Variants in ADGRD2 observed in about 807,000 individuals in gnomAD.
ADGRD2 encodes G protein-coupled receptor PGR24.
Under a neutral mutation model 44.4 loss-of-function variants are expected in ADGRD2, and 71 were observed. That is an observed-to-expected ratio of 1.60 (90% CI 1.32 to 1.95). The LOEUF is 1.95. Among genes scored for constraint, ADGRD2 ranks in the 30% most tolerant of loss-of-function variants. The pLI, the probability that ADGRD2 is intolerant of heterozygous loss-of-function variation, is 0.00. For synonymous variants in ADGRD2, 481 were observed against 224.8 expected (o/e 2.14, Z -10.19); for missense variants, 1,039 against 512.4 (o/e 2.03, Z -9.92).
intron 21 of ADGRD2, among the ~76,000 whole-genome samples, chr9:124,477,710 C>G (rs1832073891): frequency 1.3e-5 from 2 of 152,172 alleles, no homozygotes; most frequent in Admixed American, 6.5e-5. Context: ...GCATCTCGGT[C>G]CCGGGGAGTC....
At position 124,468,820 on chromosome 9, in the gene ADGRD2, C is replaced by T. The variant is rs576817759; in HGVS notation, c.2387+148C>T. On this transcript the variant is annotated intron_variant, in intron 14 of 21. Coordinates refer to ENST00000334810, the Ensembl canonical transcript of ADGRD2. ...TAGCGTCACCCAGAACCCAGCACCA[C>T]CCAGCCAGTCCCATCTCTGACATGA... 757 of 607,422 alleles carry T rather than the reference C, an allele frequency of 1.2e-3. 2 individuals carry two copies. The highest frequency in any genetic ancestry group is 2.0e-3 in the Non-Finnish European group (699 of 341,900). The allele number at this position is 607,422 out of a possible 1,614,324, so 37.6% of individuals were successfully genotyped here.
chr9:124,467,452 T>C (rs1202431420), intron 11 of ADGRD2: 2 of 413,230 alleles, frequency 4.8e-6, no homozygotes, highest in Non-Finnish European at 8.8e-6. Flanking sequence ...TCCCTCCCCG[T>C]GGGCACGTTT....
At chr9:124,464,111 C>A (rs1283254177) in intron 10 of ADGRD2, among the ~76,000 whole-genome samples, 1 of 151,896 alleles carries the variant, frequency 6.6e-6, no homozygotes, top group Non-Finnish European at 1.5e-5. Flanking sequence ...AAGTGAGCCA[C>A]CACGCCCAGC....
At chr9:124,464,286 G>A (rs549832352) in intron 10 of ADGRD2, among the ~76,000 whole-genome samples, 2 of 152,216 alleles carry the variant, frequency 1.3e-5, no homozygotes, top group South Asian at 2.1e-4. Context: ...AGAGATAACC[G>A]CTATGAACAT....
chr9:124,458,187 C>T (rs1413186533), exon 9 of ADGRD2: 1 of 718,548 alleles, frequency 1.4e-6, no homozygotes, highest in Non-Finnish European at 2.6e-6. Flanking sequence ...GGGACCGGAC[C>T]TAGAGCCCCA....
At chr9:124,467,262 G>A (rs1395602233) in intron 11 of ADGRD2, 3 of 155,126 alleles carry the variant, frequency 1.9e-5, no homozygotes, top group African/African-American at 7.3e-5. Flanking sequence ...GAACCCAGGA[G>A]GCGGAGGTTG....
exon 14 of ADGRD2, chr9:124,468,594 C>A (rs1028425106): frequency 3.9e-5 from 28 of 718,470 alleles, no homozygotes; most frequent in African/African-American, 7.0e-5. Flanking sequence ...GGTGGAGGGG[C>A]TGCTGCTGTG....
At chr9:124,466,363 T>C in exon 11 of ADGRD2, 2 of 717,616 alleles carry the variant, frequency 2.8e-6, no homozygotes, top group Non-Finnish European at 5.2e-6. Flanking sequence ...CGCCTGCTTC[T>C]GCAACCACAG....
At chr9:124,460,788 G>A (rs1335132082) in intron 10 of ADGRD2, among the ~76,000 whole-genome samples, 1 of 152,024 alleles carries the variant, frequency 6.6e-6, no homozygotes, top group Non-Finnish European at 1.5e-5. Context: ...TCTTTTTGTG[G>A]ATAAATGATT....
At chr9:124,451,668 T>C (rs1445806328), upstream of ADGRD2, 8 of 263,520 alleles carry the variant, frequency 3.0e-5, no homozygotes, top group East Asian at 6.7e-4. Context: ...GGATCCAGGA[T>C]GGCACCGTGG....
rs577637367 is a variant in ADGRD2, at chr9:124,454,121, G to A, written c.1022+24G>A. On this transcript the variant is annotated intron_variant, in intron 4 of 21. Transcript: ENST00000334810. The surrounding 1 kb of genome is among the most constrained non-coding windows in gnomAD (Gnocchi z 4.5). ...AGGTGCGCCCTGGCTGTACCCCTGGGCTCTGCTGAAGGGAAAGCCGGTGTG... is the reference window on the plus strand; with the variant it reads ...AGGTGCGCCCTGGCTGTACCCCTGGACTCTGCTGAAGGGAAAGCCGGTGTG... 9 of 664,912 alleles carry A rather than the reference G, an allele frequency of 1.4e-5. No homozygotes were observed. Among genetic ancestry groups the A allele is most frequent in the Non-Finnish European group, 2.2e-5 (8 of 362,460 alleles). 41.2% of individuals were successfully genotyped at this position (664,912 alleles called of 1,614,324 possible). A position where few individuals can be genotyped will look rare whatever the true frequency, so the allele number is the denominator to read the frequency against.
At chr9:124,462,359 ACACC>A (rs992973737) in intron 10 of ADGRD2, among the ~76,000 whole-genome samples, 3 of 152,230 alleles carry the variant, frequency 2.0e-5, no homozygotes, top group Admixed American at 6.5e-5. Context: ...ACGAGCTACC[ACACC>A]CAGCCTTGTT....
rs528499163 is a variant in ADGRD2, at chr9:124,475,888, A to G, written c.2845+273A>G. Among the ~76,000 whole-genome samples the G allele has an allele frequency of 3.3e-5, 5 of 152,306 alleles. No individual in the cohort carries two copies. In the South Asian group the frequency reaches 1.0e-3, roughly 32 times the overall value. On this transcript the variant is annotated intron_variant, in intron 19 of 21. Transcript: ENST00000334810. ...ACTCAGGCAGAGCTGGGAGGACAAA[A>G]GCAGATCCTTTTAGCCCATCTGAAA...
intron 17 of ADGRD2, among the ~76,000 whole-genome samples, chr9:124,471,619 G>A (rs950965121): frequency 2.6e-5 from 4 of 151,970 alleles, no homozygotes; most frequent in Non-Finnish European, 5.9e-5. Context: ...GCAGCAGCGG[G>A]GGCACCACTC....
intron 21 of ADGRD2, among the ~76,000 whole-genome samples, chr9:124,478,014 C>T (rs1487645088): frequency 6.6e-6 from 1 of 152,160 alleles, no homozygotes; most frequent in Non-Finnish European, 1.5e-5. Context: ...GCCCCGACCC[C>T]ACCCCGCGGG....
exon 22 of ADGRD2, chr9:124,478,324 A>G (rs1264891462): frequency 6.6e-6 from 1 of 152,308 alleles, no homozygotes. Flanking sequence ...AACCCTGCCC[A>G]GCTCAGCTCT....
intron 10 of ADGRD2, among the ~76,000 whole-genome samples, chr9:124,461,380 C>T (rs1207262709): frequency 6.6e-6 from 1 of 152,180 alleles, no homozygotes; most frequent in Admixed American, 6.5e-5. Flanking sequence ...CCCAAGGTCA[C>T]AAAGATATTC....
chr9:124,470,474 C>T lies in ADGRD2; in HGVS notation c.2638-20C>T. 1 of 706,170 alleles carries T rather than the reference C, an allele frequency of 1.4e-6. No homozygotes were observed. Among genetic ancestry groups the T allele is most frequent in the Non-Finnish European group, 2.6e-6 (1 of 382,684 alleles). 43.7% of individuals were successfully genotyped at this position (706,170 alleles called of 1,614,324 possible). A position where few individuals can be genotyped will look rare whatever the true frequency, so the allele number is the denominator to read the frequency against. On this transcript the variant is annotated intron_variant, in intron 16 of 21. Transcript: ENST00000334810. ...CCCCAGGCCTCCCAACCCCCGTCAGCCCTGCCTGCCCTCCTACAGGGCCAC... is the reference window on the plus strand; with the variant it reads ...CCCCAGGCCTCCCAACCCCCGTCAGTCCTGCCTGCCCTCCTACAGGGCCAC...
At chr9:124,468,754 A>C (rs957107238) in intron 14 of ADGRD2, 82 bp downstream of exon 17, 21 of 649,736 alleles carry the variant, frequency 3.2e-5, no homozygotes, top group Non-Finnish European at 5.6e-5. Flanking sequence ...ATGGCCCCAC[A>C]CCCAGCACTC....
Sources: gnomAD v4.1 joint callset for allele counts (sites outside exome capture counted in the v4.1 genomes callset) on GRCh38, gnomAD v4.1.1 for gene constraint, Gnocchi (gnomAD v3.1) non-coding constraint, MANE v1.5 for transcripts, NCBI Gene and HGNC (gene_info 2026-07-23, HGNC 2026-07-21) for gene names.